RCOR2: variants seen among roughly 807,000 people sequenced by gnomAD.
RCOR2 encodes the protein REST corepressor 2.
RCOR2 carries 19 observed loss-of-function variants against 58.9 expected under a neutral mutation model. The ratio of observed to expected loss-of-function variants is 0.32; its 90% CI spans 0.23 to 0.47. The LOEUF (loss-of-function observed/expected upper bound fraction) is 0.47. RCOR2 is among the 20% of genes least tolerant of loss of function. The pLI, the probability that RCOR2 is intolerant of heterozygous loss-of-function variation, is 1.00. For synonymous variants in RCOR2, 286 were observed against 278.7 expected, an observed-to-expected ratio of 1.03 and a Z score of -0.26; for missense variants, 590 against 707.9, an observed-to-expected ratio of 0.83 and a Z score of 1.89.
Position 63,916,526 on chromosome 11 carries a change from G to A in RCOR2, c.-70C>T, listed in dbSNP as rs1156425340. 2.6e-6 allele frequency: 4 copies of A among 1,527,786 alleles called. No homozygotes were observed. The highest frequency in any genetic ancestry group is 2.6e-6 in the Non-Finnish European group (3 of 1,140,368). 94.6% of individuals were successfully genotyped at this position (1,527,786 alleles called of 1,614,324 possible). ...CGACAGTGGTTGCCGCACTCGCTCCGAGTGCCGAGCCCGGCCCGGCCTGGA... is the reference window on the plus strand; with the variant it reads ...CGACAGTGGTTGCCGCACTCGCTCCAAGTGCCGAGCCCGGCCCGGCCTGGA... On this transcript the variant is annotated 5_prime_UTR_variant, in exon 1 of 12. Transcript: ENST00000301459.
upstream of RCOR2, among the ~76,000 whole-genome samples, chr11:63,917,198 G>T (rs928982301): frequency 6.9e-6 from 1 of 145,494 alleles, no homozygotes; most frequent in South Asian, 2.3e-4. Flanking sequence ...GCCGGCTGCG[G>T]CCTCAGCACC....
chr11:63,913,887 C>A, intron 8 of RCOR2, 67 bp downstream of exon 8: 3 of 1,449,786 alleles, frequency 2.1e-6, no homozygotes, highest in African/African-American at 1.4e-5. Flanking sequence ...CTCAGCTCCC[C>A]CTAGACTTCA....
In RCOR2 at chr11:63,917,152, T is replaced by C. The variant is rs1194378423; in HGVS notation, c.-696A>G. Reference sequence around the variant, plus strand: ...CCCGCTCTCCGCCGCCGCTCGCTCCTCGCGCACACAATGAAGCTGCTGGCA... The same window carrying C: ...CCCGCTCTCCGCCGCCGCTCGCTCCCCGCGCACACAATGAAGCTGCTGGCA... On this transcript the variant is annotated 5_prime_UTR_variant, in exon 1 of 12. Transcript: ENST00000301459. 6.6e-6 allele frequency among the ~76,000 whole-genome samples: 1 copy of C among 151,702 alleles called. No homozygotes were observed. Among genetic ancestry groups the C allele is most frequent in the Admixed American group, 6.6e-5 (1 of 15,266 alleles).
intron 1 of RCOR2, among the ~76,000 whole-genome samples, chr11:63,915,867 C>T (rs907362932): frequency 6.6e-6 from 1 of 152,182 alleles, no homozygotes. Context: ...AGAGCCCAGG[C>T]CAAGCAGGGT....
Position 63,916,759 on chromosome 11 carries a change from G to A in RCOR2, c.-303C>T, listed in dbSNP as rs374905473. ...TACTATGTACGCCCCTCAGGGTTGG[G>A]GTTCCCCTGAAGTCGGGGCCCCCTG... On this transcript the variant is annotated 5_prime_UTR_variant, in exon 1 of 12. Transcript: ENST00000301459. 1 of 326,532 alleles carries A rather than the reference G, an allele frequency of 3.1e-6. No individual in the cohort carries two copies. The highest frequency in any genetic ancestry group is 5.4e-5 in the East Asian group (1 of 18,624). The allele number at this position is 326,532 out of a possible 1,614,324, so 20.2% of individuals were successfully genotyped here. A position where few individuals can be genotyped will look rare whatever the true frequency, so the allele number is the denominator to read the frequency against.
chr11:63,914,842 G>GGGT, intron 4 of RCOR2, 26 bp from the exon 5 acceptor site: 2 of 1,572,312 alleles, frequency 1.3e-6, no homozygotes, highest in Non-Finnish European at 1.7e-6. Flanking sequence ...GGGCAGCTGA[G>GGGT]CCTGAGCTGC....
At position 63,912,740 on chromosome 11, in the gene RCOR2, A is replaced by C. The variant is rs749937329; in HGVS notation, c.970-7T>G. Reference sequence around the variant, plus strand: ...AGTTGAACTTGGTGTTGGCCTGGAAAGCAAGGAACAACATATCCTTTAGAC... The same window carrying C: ...AGTTGAACTTGGTGTTGGCCTGGAACGCAAGGAACAACATATCCTTTAGAC... On this transcript the variant is annotated splice_polypyrimidine_tract_variant and splice_region_variant and intron_variant, in intron 9 of 11. Transcript: ENST00000301459. The C allele has an allele frequency of 6.2e-7, 1 of 1,614,032 alleles. No individual in the cohort carries two copies. Among genetic ancestry groups the C allele is most frequent in the South Asian group, 1.1e-5 (1 of 91,082 alleles).
chr11:63,919,841 C>G (rs369937381), upstream of RCOR2, among the ~76,000 whole-genome samples: 3 of 152,376 alleles, frequency 2.0e-5, no homozygotes, highest in African/African-American at 7.2e-5. Context: ...GGCTGCAGGC[C>G]AGGACGCAGG....
At chr11:63,921,345 C>T (rs1181572993), upstream of RCOR2, among the ~76,000 whole-genome samples, 1 of 152,166 alleles carries the variant, frequency 6.6e-6, no homozygotes, top group Non-Finnish European at 1.5e-5. Context: ...AAATGTCCTC[C>T]CAGAGAGGCT....
chr11:63,921,112 G>C (rs770759953), upstream of RCOR2, among the ~76,000 whole-genome samples: 12 of 152,214 alleles, frequency 7.9e-5, no homozygotes, highest in Non-Finnish European at 1.8e-4. Context: ...GGGGAAATCT[G>C]ATTCCCTGAG....
At chr11:63,926,803 T>TTTG in the RCOR2 span, among the ~76,000 whole-genome samples, 2 of 149,658 alleles carry the variant, frequency 1.3e-5, no homozygotes, top group East Asian at 2.0e-4. Context: ...TTTTGTTTTT[T>TTTG]TTGTTGTTGT....
chr11:63,926,583 T>G, the RCOR2 span, among the ~76,000 whole-genome samples: 3 of 150,508 alleles, frequency 2.0e-5, no homozygotes, highest in African/African-American at 7.4e-5. Context: ...ACCTCCCAGG[T>G]TCAAGCAATT....
At position 63,916,491 on chromosome 11, in the gene RCOR2, C is replaced by T. The variant is rs1301196995; in HGVS notation, c.-35G>A. 4.4e-6 allele frequency: 7 copies of T among 1,588,772 alleles called. No individual in the cohort carries two copies. Among genetic ancestry groups the T allele is most frequent in the Admixed American group, 3.5e-5 (2 of 57,546 alleles). ...CAGCTGCCCCGGGGGGCGCAGGAGC[C>T]TTCGGAGAGCGACAGTGGTTGCCGC... On this transcript the variant is annotated 5_prime_UTR_variant, in exon 1 of 12. Coordinates refer to ENST00000301459, the MANE Select transcript of RCOR2 (RefSeq NM_173587.4).
At chr11:63,926,287 C>A in the RCOR2 span, among the ~76,000 whole-genome samples, 2 of 152,090 alleles carry the variant, frequency 1.3e-5, no homozygotes, top group Non-Finnish European at 2.9e-5. Flanking sequence ...TGGTTGATTT[C>A]TGTTTTCTGT....
chr11:63,924,922 C>T, the RCOR2 span, among the ~76,000 whole-genome samples: 5 of 151,056 alleles, frequency 3.3e-5, no homozygotes, highest in Non-Finnish European at 7.4e-5. Context: ...GCGATCTTGG[C>T]TCACTGCAAC....
chr11:63,922,565 C>A, the RCOR2 span, among the ~76,000 whole-genome samples: 1 of 152,138 alleles, frequency 6.6e-6, no homozygotes, highest in Non-Finnish European at 1.5e-5. Context: ...TTTGGCCAGG[C>A]GGGTCTGGAA....
At chr11:63,913,184 ATTTTTT>A (rs71039683) in intron 8 of RCOR2, among the ~76,000 whole-genome samples, 1 of 77,888 alleles carries the variant, frequency 1.3e-5, no homozygotes, top group Non-Finnish European at 2.3e-5. Flanking sequence ...ATATATATAT[ATTTTTT>A]TTTTTTTTTT....
intron 11 of RCOR2, 40 bp downstream of exon 11, chr11:63,912,265 G>GCCTCT (rs1941777805): frequency 1.9e-6 from 3 of 1,597,054 alleles, no homozygotes; most frequent in South Asian, 1.1e-5. Flanking sequence ...ACCTCGCCTC[G>GCCTCT]CCTCTCCTCT....
chr11:63,915,383 G>A, intron 2 of RCOR2, 125 bp from the exon 3 acceptor site: 8 of 1,112,336 alleles, frequency 7.2e-6, no homozygotes, highest in Non-Finnish European at 1.1e-5. Flanking sequence ...GGAAGGAGGG[G>A]CAGAGACCCA....
Sources: gnomAD v4.1 joint callset for allele counts (sites outside exome capture counted in the v4.1 genomes callset) on GRCh38, gnomAD v4.1.1 for gene constraint, MANE v1.5 for transcripts, NCBI Gene and HGNC (gene_info 2026-07-23, HGNC 2026-07-21) for gene names.